Variants in HPSE2 observed in about 807,000 individuals in gnomAD.
HPSE2 encodes heparanase 2 (inactive).
In HPSE2, 38 loss-of-function variants were observed where a neutral mutation model predicts 60.5. The observed-to-expected ratio is 0.63, with a 90% confidence interval of 0.48 to 0.82. The LOEUF (loss-of-function observed/expected upper bound fraction) is 0.82, where lower values mean the gene tolerates loss of function less well. HPSE2 is among the 40% of genes least tolerant of loss of function. The pLI is 0.00. For missense variants in HPSE2, 713 were observed against 740.4 expected, an observed-to-expected ratio of 0.96 and a Z score of 0.43; for synonymous variants, 295 against 293.2, an observed-to-expected ratio of 1.01 and a Z score of -0.06.
intron 3 of HPSE2, among the ~76,000 whole-genome samples, chr10:99,009,236 TCTACAAAAAAAAAAA>T (rs1564733568): frequency 2.1e-4 from 15 of 71,300 alleles, no homozygotes; most frequent in African/African-American, 7.7e-4. Context: ...AGGCCCAGTG[TCTACAAAAAAAAAAA>T]AAAAAAAAAA....
rs759174176 is a variant in HPSE2, at chr10:98,932,103, G to T, written c.611-188047C>A. On this transcript the variant is annotated intron_variant, in intron 3 of 11. Transcript: ENST00000370552. ...CCATTTAGTATGATATTGGCTGTGG[G>T]CTTGTCATAAATGGTTCTTATTATT... Among the ~76,000 whole-genome samples the T allele has an allele frequency of 3.5e-4, 51 of 143,672 alleles. 8 individuals carry two copies. The highest frequency in any genetic ancestry group is 6.6e-4 in the Non-Finnish European group (44 of 67,172). 94.3% of individuals were successfully genotyped at this position (143,672 alleles called of 152,430 possible).
intron 5 of HPSE2, among the ~76,000 whole-genome samples, chr10:98,702,225 T>G (rs1427009959): frequency 6.6e-6 from 1 of 152,124 alleles, no homozygotes; most frequent in Non-Finnish European, 1.5e-5. Flanking sequence ...GGGCATTACA[T>G]AATGTTAAAG....
intron 3 of HPSE2, among the ~76,000 whole-genome samples, chr10:99,066,946 A>G (rs1842637008): frequency 6.6e-6 from 1 of 152,184 alleles, no homozygotes; most frequent in Admixed American, 6.5e-5. Flanking sequence ...ATCAAAAGCA[A>G]GTTAGTTACT....
intron 5 of HPSE2, among the ~76,000 whole-genome samples, chr10:98,700,343 A>G (rs1352501480): frequency 7.8e-6 from 1 of 128,528 alleles, no homozygotes; most frequent in African/African-American, 2.5e-5. Context: ...AACGCCGCAT[A>G]TCTACAACTA....
chr10:98,979,406 T>G (rs1956158753), intron 3 of HPSE2, among the ~76,000 whole-genome samples: 1 of 152,196 alleles, frequency 6.6e-6, no homozygotes, highest in Non-Finnish European at 1.5e-5. Context: ...TGATGACCTA[T>G]TTTTTAAAAA....
At chr10:99,289,359 T>G in the HPSE2 span, among the ~76,000 whole-genome samples, 1 of 152,124 alleles carries the variant, frequency 6.6e-6, no homozygotes, top group Non-Finnish European at 1.5e-5. Flanking sequence ...TCATCTGTTT[T>G]TTTTTTGGAA....
At chr10:98,645,159 G>A (rs1946735097) in intron 6 of HPSE2, among the ~76,000 whole-genome samples, 1 of 152,140 alleles carries the variant, frequency 6.6e-6, no homozygotes, top group African/African-American at 2.4e-5. Flanking sequence ...AAGAGATGTA[G>A]GTTAGTCATA....
intron 3 of HPSE2, among the ~76,000 whole-genome samples, chr10:98,951,184 G>T (rs1448652544): frequency 6.6e-6 from 1 of 152,142 alleles, no homozygotes; most frequent in Non-Finnish European, 1.5e-5. Context: ...AAACCAAAAA[G>T]CACACTGTCA....
intron 2 of HPSE2, among the ~76,000 whole-genome samples, chr10:99,183,103 T>G (rs148720025): frequency 6.6e-6 from 1 of 152,160 alleles, no homozygotes; most frequent in Non-Finnish European, 1.5e-5. Flanking sequence ...CCCACCTCAA[T>G]GCCTACAGAC....
chr10:99,151,564 A>T (rs1377561249), intron 2 of HPSE2, among the ~76,000 whole-genome samples: 2 of 152,222 alleles, frequency 1.3e-5, no homozygotes, highest in South Asian at 4.1e-4. Flanking sequence ...CATTATAATA[A>T]AAATGTTAAA....
At chr10:98,467,120 GCTAA>G (rs1437279607) in intron 11 of HPSE2, among the ~76,000 whole-genome samples, 1 of 151,974 alleles carries the variant, frequency 6.6e-6, no homozygotes, top group Non-Finnish European at 1.5e-5. Context: ...CCTTCTCCTG[GCTAA>G]CTCTTACTTG....
At chr10:98,661,892 ATCT>A (rs1463223106) in intron 6 of HPSE2, among the ~76,000 whole-genome samples, 2 of 152,052 alleles carry the variant, frequency 1.3e-5, no homozygotes, top group Non-Finnish European at 2.9e-5. Context: ...AATGGAAGGA[ATCT>A]TCTTTTTGTT....
intron 3 of HPSE2, among the ~76,000 whole-genome samples, chr10:98,838,242 C>A (rs1951835921): frequency 6.6e-6 from 1 of 152,068 alleles, no homozygotes; most frequent in Non-Finnish European, 1.5e-5. Context: ...TAACCATAGA[C>A]AAATTAATTT....
intron 3 of HPSE2, among the ~76,000 whole-genome samples, chr10:98,932,603 CTTT>C (rs35173219): frequency 7.1e-5 from 9 of 125,978 alleles, no homozygotes; most frequent in Non-Finnish European, 9.7e-5. Flanking sequence ...TGGAGCTGGG[CTTT>C]TTTTTTTTTT....
chr10:99,073,552 T>C (rs1347218454), intron 3 of HPSE2, among the ~76,000 whole-genome samples: 1 of 152,118 alleles, frequency 6.6e-6, no homozygotes, highest in Non-Finnish European at 1.5e-5. Context: ...GATGGGTTGA[T>C]AGGTGCGGCA....
intron 3 of HPSE2, among the ~76,000 whole-genome samples, chr10:99,093,968 C>A (rs1843608720): frequency 2.0e-5 from 3 of 152,078 alleles, no homozygotes; most frequent in Admixed American, 6.5e-5. Context: ...AATTTTTCAA[C>A]TTTTTAAATT....
At chr10:99,278,029 G>A in the HPSE2 span, among the ~76,000 whole-genome samples, 10 of 151,024 alleles carry the variant, frequency 6.6e-5, no homozygotes, top group Middle Eastern at 3.4e-3. Flanking sequence ...CCCAGGAGGC[G>A]GAGGTTTCAG....
At chr10:98,582,886 A>G (rs1932802) in intron 9 of HPSE2, among the ~76,000 whole-genome samples, 89,664 of 152,020 alleles carry the variant, frequency 0.59, 26,701 homozygotes, top group Admixed American at 0.64. Flanking sequence ...ATAACTATTC[A>G]TAGTCATTCC....
chr10:98,877,442 CTTCTCAGCTGCT>C (rs1481131416), intron 3 of HPSE2, among the ~76,000 whole-genome samples: 1 of 151,888 alleles, frequency 6.6e-6, no homozygotes, highest in Admixed American at 6.6e-5. Context: ...AGCTCCATTG[CTTCTCAGCTGCT>C]ATCTTGACAT....
Sources: gnomAD v4.1 joint callset for allele counts (sites outside exome capture counted in the v4.1 genomes callset) on GRCh38, gnomAD v4.1.1 for gene constraint, MANE v1.5 for transcripts, NCBI Gene and HGNC (gene_info 2026-07-23, HGNC 2026-07-21) for gene names.